The following LRRC49 variants were observed in gnomAD, a reference collection of about 807,000 sequenced individuals.
LRRC49 encodes leucine rich repeat containing 49, also known as leucine-rich repeat-containing protein 49.
In LRRC49, 50 loss-of-function variants were observed where a neutral mutation model predicts 83.3. The observed-to-expected ratio is 0.60, with a 90% CI of 0.48 to 0.76. The LOEUF is 0.76. LRRC49 is among the 30% of genes least tolerant of loss of function. The pLI is 0.00. For synonymous variants in LRRC49, 286 were observed against 283.3 expected (o/e 1.01, Z -0.10); for missense variants, 704 against 809.1 (o/e 0.87, Z 1.58).
At chr15:70,926,307 G>A (rs2035195520) in intron 7 of LRRC49, among the ~76,000 whole-genome samples, 1 of 151,950 alleles carries the variant, frequency 6.6e-6, no homozygotes, top group Non-Finnish European at 1.5e-5. Context: ...TTGAACTCCT[G>A]GGCTCAACTG....
chr15:70,929,976 C>T (rs1188174111), intron 7 of LRRC49, among the ~76,000 whole-genome samples: 1 of 152,116 alleles, frequency 6.6e-6, no homozygotes, highest in African/African-American at 2.4e-5. Flanking sequence ...CAAAGTCATC[C>T]ATGAGGTTTG....
chr15:70,974,785 C>T (rs1317826630), intron 9 of LRRC49, among the ~76,000 whole-genome samples: 1 of 150,910 alleles, frequency 6.6e-6, no homozygotes, highest in East Asian at 1.9e-4. Flanking sequence ...CTCACAAAGC[C>T]TAAAATATTT....
chr15:70,901,586 C>T (rs1373569984), intron 4 of LRRC49, among the ~76,000 whole-genome samples: 1 of 152,124 alleles, frequency 6.6e-6, no homozygotes, highest in Non-Finnish European at 1.5e-5. Flanking sequence ...TTTCTCTGGC[C>T]ATCCTCTCCA....
intron 1 of LRRC49, among the ~76,000 whole-genome samples, chr15:70,867,234 G>T (rs148547796): frequency 2.4e-4 from 37 of 152,084 alleles, no homozygotes; most frequent in Non-Finnish European, 4.9e-4. Flanking sequence ...AGAGAAAGAG[G>T]CTTGTAAGGG....
intron 13 of LRRC49, among the ~76,000 whole-genome samples, chr15:71,011,658 A>G (rs1339010629): frequency 6.6e-6 from 1 of 152,150 alleles, no homozygotes; most frequent in East Asian, 1.9e-4. Context: ...AATTAATAGC[A>G]TCAAGAAAAC....
chr15:70,893,022 T>G (rs2033655154), intron 1 of LRRC49, 80 bp downstream of exon 1: 1 of 1,487,266 alleles, frequency 6.7e-7, no homozygotes, highest in Non-Finnish European at 9.4e-7. Context: ...AGATGGGCTG[T>G]ATTATTAGGA....
chr15:71,009,772 A>G (rs368669855), intron 12 of LRRC49, 35 bp from the exon 13 acceptor site: 59 of 1,398,432 alleles, frequency 4.2e-5, no homozygotes, highest in East Asian at 3.5e-4. Context: ...GTTAAAATCA[A>G]TGTTCTGATC....
intron 14 of LRRC49, among the ~76,000 whole-genome samples, chr15:71,028,089 A>T (rs1333702328): frequency 6.6e-6 from 1 of 152,136 alleles, no homozygotes; most frequent in Non-Finnish European, 1.5e-5. Flanking sequence ...GTTTGTCATA[A>T]ATAGCTCTTA....
rs975809166 is a variant in LRRC49 at position 71,051,420 on chromosome 15, T to C, written c.*1808T>C. 1.3e-5 allele frequency: 2 copies of C among 152,254 alleles called. No individual in the cohort carries two copies. Among genetic ancestry groups the C allele is most frequent in the South Asian group, 2.1e-4 (1 of 4,830 alleles). 9.4% of individuals were successfully genotyped at this position (152,254 alleles called of 1,614,324 possible). On this transcript the variant is annotated 3_prime_UTR_variant, in exon 16 of 16. Coordinates refer to ENST00000260382, the MANE Select transcript of LRRC49 (RefSeq NM_017691.5). ...TTTAGCCTCTCCAAACTGAAACATA[T>C]GGACCATTTCTCATCTGGCTAGTAA...
rs531063174 is a variant in LRRC49 at position 70,975,880 on chromosome 15, C to T, written c.922-4221C>T. On this transcript the variant is annotated intron_variant, in intron 9 of 15. Coordinates refer to ENST00000260382, the MANE Select transcript of LRRC49 (RefSeq NM_017691.5). The stretch of plus-strand genomic sequence containing the variant: ...TGTTCACCAATATGCTCTGGTTCTC[C>T]TCCTTTTTGACATGTGGGAAGATGT... Among the ~76,000 whole-genome samples the T allele has an allele frequency of 1.3e-4, 20 of 152,102 alleles. No individual in the cohort carries two copies. In the South Asian group the frequency reaches 4.0e-3, roughly 30 times the overall value.
At chr15:71,014,087 G>A (rs1391687609) in intron 14 of LRRC49, among the ~76,000 whole-genome samples, 3 of 152,002 alleles carry the variant, frequency 2.0e-5, no homozygotes, top group South Asian at 2.1e-4. Context: ...CAAGTGTATC[G>A]GATTGATGGA....
At chr15:71,046,525 C>T (rs2039859692) in intron 15 of LRRC49, among the ~76,000 whole-genome samples, 1 of 152,106 alleles carries the variant, frequency 6.6e-6, no homozygotes, top group Non-Finnish European at 1.5e-5. Context: ...CTGTTCATGT[C>T]CTTTGCCCAT....
intron 8 of LRRC49, among the ~76,000 whole-genome samples, chr15:70,945,398 C>CT (rs1411547995): frequency 6.6e-6 from 1 of 152,160 alleles, no homozygotes; most frequent in African/African-American, 2.4e-5. Context: ...ACTGCAAGCT[C>CT]TATCTACCAG....
chr15:70,942,033 A>ATGTG (rs34818331), intron 8 of LRRC49, among the ~76,000 whole-genome samples: 5,616 of 144,110 alleles, frequency 0.039, 186 homozygotes, highest in African/African-American at 0.091. Context: ...TGTAAAGGTT[A>ATGTG]TGTGTGTGTG....
At chr15:70,862,350 G>A (rs918063082) in intron 1 of LRRC49, among the ~76,000 whole-genome samples, 4 of 152,016 alleles carry the variant, frequency 2.6e-5, no homozygotes, top group South Asian at 2.1e-4. Flanking sequence ...AGGCCGAGGC[G>A]GGCGTATCAC....
At chr15:71,025,585 A>C (rs968593378) in intron 14 of LRRC49, among the ~76,000 whole-genome samples, 2 of 152,186 alleles carry the variant, frequency 1.3e-5, no homozygotes, top group Non-Finnish European at 2.9e-5. Context: ...TAAAAAGTCA[A>C]GACCCATCGG....
chr15:71,013,445 A>G (rs550489704), intron 14 of LRRC49, among the ~76,000 whole-genome samples: 25 of 152,338 alleles, frequency 1.6e-4, no homozygotes, highest in African/African-American at 4.8e-4. Flanking sequence ...TGTGTTTTGT[A>G]ATGAAGCACA....
chr15:70,985,651 A>C (rs987139811), intron 11 of LRRC49, among the ~76,000 whole-genome samples: 1 of 152,024 alleles, frequency 6.6e-6, no homozygotes, highest in African/African-American at 2.4e-5. Flanking sequence ...CCATTTGTCA[A>C]TTTTGGCTTT....
intron 1 of LRRC49, among the ~76,000 whole-genome samples, chr15:70,867,233 G>A (rs935903738): frequency 4.6e-5 from 7 of 152,066 alleles, no homozygotes; most frequent in African/African-American, 1.7e-4. Context: ...CAGAGAAAGA[G>A]GCTTGTAAGG....
Sources: gnomAD v4.1 joint callset for allele counts (sites outside exome capture counted in the v4.1 genomes callset) on GRCh38, gnomAD v4.1.1 for gene constraint, MANE v1.5 for transcripts, NCBI Gene and HGNC (gene_info 2026-07-23, HGNC 2026-07-21) for gene names.